Variants in RANBP17 observed in about 807,000 individuals in gnomAD.
The protein encoded by RANBP17 is ran-binding protein 17.
RANBP17 carries 158 observed loss-of-function variants against 141.2 expected under a neutral mutation model. That is an observed-to-expected ratio of 1.12 (90% CI 0.98 to 1.28). The LOEUF is 1.28. Among genes scored for constraint, RANBP17 ranks in the 50% most tolerant of loss-of-function variants. The pLI, the probability that RANBP17 is intolerant of heterozygous loss-of-function variation, is 0.00. For synonymous variants in RANBP17, 430 were observed against 450.0 expected (o/e 0.96, Z 0.56); for missense variants, 1,438 against 1,290.7 (o/e 1.11, Z -1.75).
intron 18 of RANBP17, among the ~76,000 whole-genome samples, chr5:171,188,304 A>G (rs1223806458): frequency 6.6e-6 from 1 of 152,256 alleles, no homozygotes; most frequent in African/African-American, 2.4e-5. Context: ...TAACTGAGTG[A>G]CAGCTTTTCG....
intron 14 of RANBP17, among the ~76,000 whole-genome samples, chr5:171,141,863 C>T (rs758761359): frequency 5.3e-5 from 8 of 152,106 alleles, no homozygotes; most frequent in Admixed American, 3.3e-4. Context: ...TGAATAATAC[C>T]TGTAGCACAG....
intron 22 of RANBP17, among the ~76,000 whole-genome samples, chr5:171,238,970 G>A (rs1162899539): frequency 1.3e-5 from 2 of 152,076 alleles, no homozygotes; most frequent in Admixed American, 6.6e-5. Flanking sequence ...TTTACAGATC[G>A]ATTTCCCCCA....
chr5:171,299,531 G>C lies in RANBP17; in HGVS notation c.*673G>C, dbSNP rs1029749870. 6 of 232,190 alleles carry C rather than the reference G, an allele frequency of 2.6e-5. No individual in the cohort carries two copies. The highest frequency in any genetic ancestry group is 5.1e-5 in the Non-Finnish European group (6 of 117,220). The allele number at this position is 232,190 out of a possible 1,614,324, so 14.4% of individuals were successfully genotyped here. ...GAATTAAGCTGTGCAATTACTGCCT[G>C]CAGAGATATTTCTTCAGGAGGAGTC... On this transcript the variant is annotated 3_prime_UTR_variant, in exon 28 of 28. Coordinates refer to ENST00000523189, the MANE Select transcript of RANBP17 (RefSeq NM_022897.5).
chr5:170,995,906 G>C (rs143945586), intron 14 of RANBP17, among the ~76,000 whole-genome samples: 232 of 152,216 alleles, frequency 1.5e-3, no homozygotes, highest in Middle Eastern at 3.4e-3. Context: ...GTGCCTTGTA[G>C]TTCCAGATAC....
At chr5:170,894,917 T>C (rs1769982983) in intron 4 of RANBP17, among the ~76,000 whole-genome samples, 2 of 152,208 alleles carry the variant, frequency 1.3e-5, no homozygotes, top group African/African-American at 4.8e-5. Flanking sequence ...ACTTAGCTGT[T>C]TTATAATCTG....
intron 14 of RANBP17, chr5:170,968,794 A>G (rs1328310777): frequency 6.7e-6 from 3 of 448,612 alleles, no homozygotes; most frequent in East Asian, 1.4e-4. Flanking sequence ...AATGAGGACT[A>G]GGAAAATTAG....
chr5:170,903,796 A>G, intron 5 of RANBP17: 1 of 379,712 alleles, frequency 2.6e-6, no homozygotes, highest in Non-Finnish European at 5.2e-6. Context: ...AAAAAGCAGA[A>G]TAAGCCCTTT....
Position 170,909,729 on chromosome 5 carries a change from A to G in RANBP17, c.558A>G (p.Lys186=), listed in dbSNP as rs192992726. ...CCTCATTTCGTGATACTTCTCTCAA[A>G]GACGTTTTAGTGCTAGCATGCTCTC... is the stretch of plus-strand genomic sequence containing the variant. ...IATSFRDTSL[K]DVLVLACSLL... is the part of the protein sequence containing the mutation. Residue 186 remains lysine, a synonymous_variant, in exon 6 of 28, where the codon AAA becomes AAG. Transcript: ENST00000523189. 3.1e-6 allele frequency: 5 copies of G among 1,591,016 alleles called. No individual in the cohort carries two copies. In the African/African-American group the frequency reaches 5.4e-5, roughly 17 times the overall value.
At chr5:170,945,037 T>C (rs2127482218) in intron 12 of RANBP17, among the ~76,000 whole-genome samples, 2 of 152,324 alleles carry the variant, frequency 1.3e-5, no homozygotes, top group South Asian at 4.1e-4. Flanking sequence ...CCCCAGCCTT[T>C]CCCATACATT....
At chr5:171,052,823 A>T (rs1004531974) in intron 14 of RANBP17, among the ~76,000 whole-genome samples, 2 of 152,174 alleles carry the variant, frequency 1.3e-5, no homozygotes, top group African/African-American at 4.8e-5. Context: ...CCATCTTAAT[A>T]ATATTAAGTC....
At chr5:171,142,760 T>C (rs1336376260) in intron 14 of RANBP17, among the ~76,000 whole-genome samples, 1 of 152,228 alleles carries the variant, frequency 6.6e-6, no homozygotes, top group African/African-American at 2.4e-5. Context: ...TTATTTACTT[T>C]GGTCATTATA....
chr5:171,103,662 C>T (rs1273883673), intron 14 of RANBP17, among the ~76,000 whole-genome samples: 1 of 152,104 alleles, frequency 6.6e-6, no homozygotes, highest in Non-Finnish European at 1.5e-5. Flanking sequence ...AAAAAAAACC[C>T]TGCAGCTAGC....
At chr5:171,196,828 C>CT (rs1425663570) in intron 18 of RANBP17, among the ~76,000 whole-genome samples, 4 of 151,498 alleles carry the variant, frequency 2.6e-5, no homozygotes, top group Admixed American at 6.6e-5. Context: ...ACTTTTTTTT[C>CT]TTTTTTTTAA....
At chr5:170,949,145 T>C (rs579535) in intron 12 of RANBP17, among the ~76,000 whole-genome samples, 15,350 of 152,132 alleles carry the variant, frequency 0.1, 948 homozygotes, top group Non-Finnish European at 0.14. Context: ...TAAGTGACTT[T>C]GGGTTGGGCA....
chr5:171,104,932 A>C (rs1219665719), intron 14 of RANBP17, among the ~76,000 whole-genome samples: 4 of 152,308 alleles, frequency 2.6e-5, no homozygotes, highest in African/African-American at 7.2e-5. Context: ...GGTCCCCTAC[A>C]CCAAGGAAAA....
intron 14 of RANBP17, among the ~76,000 whole-genome samples, chr5:171,083,528 C>T (rs1785395960): frequency 6.6e-6 from 1 of 152,166 alleles, no homozygotes; most frequent in South Asian, 2.1e-4. Flanking sequence ...TTACAGTTGA[C>T]CCTTGAACAA....
rs1778817254 is a variant in RANBP17 at position 170,996,382 on chromosome 5, T to TG, written c.1710+28007dup. ...GGAGTGATTGTCATAATACCTGTAATGGAGTTCAGAGGAAGCAAAAATAGT... is the reference window on the plus strand; with the variant it reads ...GGAGTGATTGTCATAATACCTGTAATGGGAGTTCAGAGGAAGCAAAAATAGT... On this transcript the variant is annotated intron_variant, in intron 14 of 27. Coordinates refer to ENST00000523189, the MANE Select transcript of RANBP17 (RefSeq NM_022897.5). Among the ~76,000 whole-genome samples the TG allele has an allele frequency of 2.6e-5, 4 of 152,292 alleles. No homozygotes were observed. The South Asian group carries it at 8.3e-4, about 32-fold the overall frequency.
In RANBP17 at chr5:171,189,180, C is replaced by G. The variant is rs186266547; in HGVS notation, c.2038+5750C>G. On this transcript the variant is annotated intron_variant, in intron 18 of 27. Transcript: ENST00000523189. ...TGCATGGTAGGTGCTCAATATAAGT[C>G]AGTTGAATCTGGATATAAATAAAAT... 5.2e-4 allele frequency among the ~76,000 whole-genome samples: 79 copies of G among 152,194 alleles called. 1 individual carries two copies. Among genetic ancestry groups the G allele is most frequent in the East Asian group, 7.7e-4 (4 of 5,186 alleles).
intron 14 of RANBP17, among the ~76,000 whole-genome samples, chr5:171,021,359 A>G (rs1423255957): frequency 6.6e-6 from 1 of 152,132 alleles, no homozygotes; most frequent in Non-Finnish European, 1.5e-5. Flanking sequence ...AATATCCTGA[A>G]GTGTGTTTTC....
Sources: allele counts gnomAD v4.1 joint callset (sites outside exome capture counted in the v4.1 genomes callset), GRCh38; gene constraint gnomAD v4.1.1; transcripts MANE v1.5; gene names NCBI Gene and HGNC (gene_info 2026-07-23, HGNC 2026-07-21).